PCDHA7: variants seen among roughly 807,000 people sequenced by gnomAD.
PCDHA7 encodes protocadherin alpha-7.
PCDHA7 carries 37 observed loss-of-function variants against 57.2 expected under a neutral mutation model. That is an observed-to-expected ratio of 0.65 (90% CI 0.50 to 0.85). PCDHA7 has a LOEUF of 0.85. Among genes scored for constraint, PCDHA7 ranks in the 40% least tolerant of loss-of-function variants. PCDHA7 has a pLI of 0.00. For synonymous variants in PCDHA7, 553 were observed against 558.8 expected, an observed-to-expected ratio of 0.99 and a Z score of 0.15; for missense variants, 1,188 against 1,241.8, an observed-to-expected ratio of 0.96 and a Z score of 0.65.
chr5:140,904,287 G>A (rs2071024041), intron 1 of PCDHA7, among the ~76,000 whole-genome samples: 1 of 151,908 alleles, frequency 6.6e-6, no homozygotes, highest in Non-Finnish European at 1.5e-5. Context: ...TGTGGTGTTT[G>A]GTTTTCCATT....
At position 140,843,005 on chromosome 5, in the gene PCDHA7, G is replaced by C; in HGVS notation, c.2355+6267G>C. On this transcript the variant is annotated intron_variant, in intron 1 of 3. Transcript: ENST00000525929. ...GTTCGTGCTGGACGAGAATGACAAC[G>C]CGCCGGCACTGCTGGAGCCTCGGGT... The C allele has an allele frequency of 5.0e-6, 8 of 1,595,030 alleles. 1 individual carries two copies. The highest frequency in any genetic ancestry group is 1.1e-5 in the South Asian group (1 of 90,516).
At chr5:140,921,961 C>T (rs528457864) in intron 1 of PCDHA7, among the ~76,000 whole-genome samples, 88 of 151,252 alleles carry the variant, frequency 5.8e-4, no homozygotes, top group Non-Finnish European at 9.1e-4. Context: ...TCCCAGAAAA[C>T]CAAAGGAAAA....
At position 140,848,861 on chromosome 5, in the gene PCDHA7, G is replaced by A. The variant is rs2150423051; in HGVS notation, c.2355+12123G>A. 3.1e-4 allele frequency: 495 copies of A among 1,590,730 alleles called. 45 individuals carry two copies. The highest frequency in any genetic ancestry group is 4.3e-4 in the Admixed American group (25 of 58,818). Reference sequence around the variant, plus strand: ...TGCAGGTTTTCCATGTGGACGTGGAGGTGAAGGACATTAACGACAACCCTC... The same window carrying A: ...TGCAGGTTTTCCATGTGGACGTGGAAGTGAAGGACATTAACGACAACCCTC... On this transcript the variant is annotated intron_variant, in intron 1 of 3. Coordinates refer to ENST00000525929, the MANE Select transcript of PCDHA7 (RefSeq NM_018910.3).
chr5:140,967,794 T>G, intron 1 of PCDHA7: 1 of 1,614,178 alleles, frequency 6.2e-7, no homozygotes. Flanking sequence ...CGGGGTCCAG[T>G]GCCCATGGCA....
At chr5:140,880,521 A>G (rs1166001900) in intron 1 of PCDHA7, among the ~76,000 whole-genome samples, 1 of 152,260 alleles carries the variant, frequency 6.6e-6, no homozygotes, top group Non-Finnish European at 1.5e-5. Context: ...ACATCTCTCA[A>G]TGTGTGAATC....
At chr5:140,994,036 A>G (rs1176195849) in intron 3 of PCDHA7, among the ~76,000 whole-genome samples, 1 of 152,210 alleles carries the variant, frequency 6.6e-6, no homozygotes, top group African/African-American at 2.4e-5. Flanking sequence ...AATATTAAAT[A>G]TAACACAGTC....
At chr5:140,955,716 A>G (rs2095221843) in intron 1 of PCDHA7, among the ~76,000 whole-genome samples, 1 of 152,220 alleles carries the variant, frequency 6.6e-6, no homozygotes, top group African/African-American at 2.4e-5. Flanking sequence ...TAATAGGAAT[A>G]CCATTGAATC....
chr5:140,953,522 G>A (rs246031), intron 1 of PCDHA7, among the ~76,000 whole-genome samples: 85,599 of 151,862 alleles, frequency 0.56, 24,738 homozygotes, highest in African/African-American at 0.69. Flanking sequence ...CAACAAAAAC[G>A]GGAAACTCAC....
intron 1 of PCDHA7, among the ~76,000 whole-genome samples, chr5:140,957,228 T>C (rs1189952927): frequency 6.6e-6 from 1 of 152,148 alleles, no homozygotes; most frequent in Non-Finnish European, 1.5e-5. Flanking sequence ...TGGCGAAGCA[T>C]TTTGGCATGT....
chr5:140,968,132 A>G, intron 1 of PCDHA7: 1 of 1,614,082 alleles, frequency 6.2e-7, no homozygotes, highest in Non-Finnish European at 8.5e-7. Flanking sequence ...GCGTACACTG[A>G]AGGTTGAGAT....
intron 1 of PCDHA7, among the ~76,000 whole-genome samples, chr5:140,844,878 G>A (rs2150374648): frequency 6.7e-6 from 1 of 149,434 alleles, no homozygotes; most frequent in East Asian, 1.9e-4. Flanking sequence ...ATACCCATTA[G>A]ACTTCGTGCA....
rs112848471 is a variant in PCDHA7, at chr5:140,995,109, C to G, written c.2503+12546C>G. ...TATCTGTGGAGATACATTCCAAGAC[C>G]CTCAGTGGATGCCTGAAACCTCATT... On this transcript the variant is annotated intron_variant, in intron 3 of 3. Transcript: ENST00000525929. Among the ~76,000 whole-genome samples, 792 of 152,268 alleles carry G rather than the reference C, an allele frequency of 5.2e-3. 8 individuals are homozygous for G. Among genetic ancestry groups the G allele is most frequent in the African/African-American group, 0.019 (770 of 41,540 alleles).
chr5:140,853,006 G>A (rs1263540311), intron 1 of PCDHA7: 2 of 293,534 alleles, frequency 6.8e-6, no homozygotes, highest in Non-Finnish European at 1.1e-5. Flanking sequence ...AGCCTCCCGA[G>A]TAGCTGGGAC....
Position 140,889,022 on chromosome 5 carries a change from G to A in PCDHA7, c.2355+52284G>A, listed in dbSNP as rs183317307. Among the ~76,000 whole-genome samples the A allele has an allele frequency of 5.5e-3, 837 of 151,922 alleles. 11 individuals are homozygous for A. The highest frequency in any genetic ancestry group is 0.019 in the African/African-American group (781 of 41,426). ...TGGCAAACCAACCTCTACTTCCTTG[G>A]ATAACCGTAATTTGATTATAATTTA... On this transcript the variant is annotated intron_variant, in intron 1 of 3. Coordinates refer to ENST00000525929, the MANE Select transcript of PCDHA7 (RefSeq NM_018910.3).
chr5:140,951,889 G>A (rs2094649080), intron 1 of PCDHA7, among the ~76,000 whole-genome samples: 1 of 152,142 alleles, frequency 6.6e-6, no homozygotes, highest in Non-Finnish European at 1.5e-5. Flanking sequence ...ACTCTCTTCT[G>A]CCTATGAGCC....
intron 2 of PCDHA7, among the ~76,000 whole-genome samples, chr5:140,981,605 C>CT (rs1444386694): frequency 1.1e-4 from 17 of 152,174 alleles, no homozygotes; most frequent in African/African-American, 2.9e-4. Context: ...AAATGTTCCT[C>CT]TAATTTTGAT....
chr5:140,924,253 A>G (rs550218351), intron 1 of PCDHA7, among the ~76,000 whole-genome samples: 1 of 152,212 alleles, frequency 6.6e-6, no homozygotes, highest in African/African-American at 2.4e-5. Context: ...TCCTGGTGAG[A>G]TCTAATGAGG....
At chr5:140,989,153 A>C (rs1409258920) in intron 3 of PCDHA7, among the ~76,000 whole-genome samples, 2 of 152,186 alleles carry the variant, frequency 1.3e-5, no homozygotes, top group Non-Finnish European at 2.9e-5. Flanking sequence ...CTTTTGTTTA[A>C]GAGTGTTGCA....
intron 1 of PCDHA7, among the ~76,000 whole-genome samples, chr5:140,885,862 T>C (rs2060742623): frequency 6.6e-6 from 1 of 152,182 alleles, no homozygotes; most frequent in African/African-American, 2.4e-5. Flanking sequence ...TACTTTTCTA[T>C]TGAAAAAAAA....
Sources: allele counts gnomAD v4.1 joint callset (sites outside exome capture counted in the v4.1 genomes callset), GRCh38; gene constraint gnomAD v4.1.1; transcripts MANE v1.5; gene names NCBI Gene and HGNC (gene_info 2026-07-23, HGNC 2026-07-21).